Variants in OSTF1 observed in about 807,000 individuals in gnomAD.
OSTF1 encodes the protein osteoclast stimulating factor 1, also known as osteoclast-stimulating factor 1.
A neutral mutation model predicts 37.2 loss-of-function variants in OSTF1; 27 were observed. The observed-to-expected ratio is 0.73, with a 90% CI of 0.54 to 1.00. The LOEUF is 1.00. OSTF1 is among the 50% of genes least tolerant of loss of function. The pLI, the probability that OSTF1 is intolerant of heterozygous loss-of-function variation, is 0.00. For synonymous variants in OSTF1, 82 were observed against 89.2 expected, an observed-to-expected ratio of 0.92 and a Z score of 0.46; for missense variants, 232 against 253.8, an observed-to-expected ratio of 0.91 and a Z score of 0.58.
rs1826036250 is a variant in OSTF1 at position 75,146,991 on chromosome 9, A to G, written c.*250A>G. On this transcript the variant is annotated 3_prime_UTR_variant, in exon 10 of 10. Coordinates refer to ENST00000346234, the MANE Select transcript of OSTF1 (RefSeq NM_012383.5). ...ATATTATTTCTATTTATCAAGCAAA[A>G]GGAATTTTAAGATTTTTTTTTTTCT... 4.9e-6 allele frequency: 1 copy of G among 203,760 alleles called. No individual in the cohort carries two copies. The highest frequency in any genetic ancestry group is 2.8e-5 in the African/African-American group (1 of 35,660). 12.6% of individuals were successfully genotyped at this position (203,760 alleles called of 1,614,324 possible).
chr9:75,101,304 G>A (rs140819952), intron 1 of OSTF1, among the ~76,000 whole-genome samples: 40 of 152,332 alleles, frequency 2.6e-4, no homozygotes, highest in African/African-American at 9.1e-4. Flanking sequence ...TGATAGGAAT[G>A]TGGCTCTTAG....
At chr9:75,107,139 A>G (rs958537405) in intron 1 of OSTF1, among the ~76,000 whole-genome samples, 1 of 151,146 alleles carries the variant, frequency 6.6e-6, no homozygotes, top group African/African-American at 2.5e-5. Context: ...AACAGAGTAC[A>G]GCTGTTTTCT....
intron 1 of OSTF1, among the ~76,000 whole-genome samples, chr9:75,102,859 C>T (rs957539096): frequency 1.2e-4 from 19 of 152,232 alleles, no homozygotes; most frequent in African/African-American, 4.6e-4. Context: ...AAAGCCTCCT[C>T]ACTGTGTTAA....
chr9:75,112,624 C>T (rs1454179172), intron 1 of OSTF1, among the ~76,000 whole-genome samples: 1 of 152,176 alleles, frequency 6.6e-6, no homozygotes, highest in Non-Finnish European at 1.5e-5. Flanking sequence ...AAATAAATCT[C>T]CCACTTTCAG....
chr9:75,109,897 AT>A (rs1825354339), intron 1 of OSTF1, among the ~76,000 whole-genome samples: 1 of 152,218 alleles, frequency 6.6e-6, no homozygotes. Context: ...TTGTTTTTAA[AT>A]TAATAGACTA....
intron 1 of OSTF1, among the ~76,000 whole-genome samples, chr9:75,115,016 C>CCA (rs1310157338): frequency 6.6e-6 from 1 of 152,144 alleles, no homozygotes; most frequent in Non-Finnish European, 1.5e-5. Flanking sequence ...TTAATGCTTA[C>CCA]AATTGATCCA....
chr9:75,114,210 T>C (rs1287250515), intron 1 of OSTF1, among the ~76,000 whole-genome samples: 2 of 152,296 alleles, frequency 1.3e-5, no homozygotes, highest in East Asian at 3.9e-4. Flanking sequence ...CTGCCGTTGA[T>C]GGACACTTAG....
intron 1 of OSTF1, among the ~76,000 whole-genome samples, chr9:75,108,355 G>T (rs1158203682): frequency 6.6e-6 from 1 of 151,408 alleles, no homozygotes; most frequent in Non-Finnish European, 1.5e-5. Flanking sequence ...CTTTTGTGGA[G>T]GTGGCATGAC....
At chr9:75,093,804 A>G (rs1825024876) in intron 1 of OSTF1, among the ~76,000 whole-genome samples, 1 of 152,236 alleles carries the variant, frequency 6.6e-6, no homozygotes, top group Admixed American at 6.5e-5. Context: ...GTCTTCTTTT[A>G]TAAACTTGAT....
chr9:75,103,725 C>T (rs557476208), intron 1 of OSTF1, among the ~76,000 whole-genome samples: 334 of 152,240 alleles, frequency 2.2e-3, no homozygotes, highest in Non-Finnish European at 3.3e-3. Flanking sequence ...CTTCCACTGC[C>T]TGGGTTCAAG....
rs987800409 is a variant in OSTF1 at position 75,092,012 on chromosome 9, C to A, written c.34+3286C>A. ...TAGCAGAAATACAAGACAGAACATCCTAGCCATGTTTCTTACAGCTTCTTT... is the reference window on the plus strand; with the variant it reads ...TAGCAGAAATACAAGACAGAACATCATAGCCATGTTTCTTACAGCTTCTTT... On this transcript the variant is annotated intron_variant, in intron 1 of 9. Coordinates refer to ENST00000346234, the MANE Select transcript of OSTF1 (RefSeq NM_012383.5). Among the ~76,000 whole-genome samples the A allele has an allele frequency of 2.0e-5, 3 of 152,198 alleles. No individual in the cohort carries two copies. In the East Asian group the frequency reaches 5.8e-4, roughly 29 times the overall value.
chr9:75,146,687 A>G lies in OSTF1; in HGVS notation c.591A>G (p.Ala197=). The G allele has an allele frequency of 6.2e-7, 1 of 1,606,434 alleles. No individual in the cohort carries two copies. The highest frequency in any genetic ancestry group is 8.5e-7 in the Non-Finnish European group (1 of 1,174,726). ...TTTCCCTCCTCTTTCTTTCAGATGCAGTTCGAACATTAAGCAATGCCGAGG... is the reference window on the plus strand; with the variant it reads ...TTTCCCTCCTCTTTCTTTCAGATGCGGTTCGAACATTAAGCAATGCCGAGG... ...SLLKKKQGTD[A]VRTLSNAEDY... Residue 197 remains alanine (A), a synonymous_variant, in exon 10 of 10, where the codon GCA becomes GCG. Coordinates refer to ENST00000346234, the MANE Select transcript of OSTF1 (RefSeq NM_012383.5).
At chr9:75,116,488 C>T (rs1825490894) in intron 1 of OSTF1, among the ~76,000 whole-genome samples, 1 of 151,838 alleles carries the variant, frequency 6.6e-6, no homozygotes, top group Non-Finnish European at 1.5e-5. Flanking sequence ...ATGCAGTCTA[C>T]GAAGAGAGAA....
chr9:75,123,401 G>A (rs1285246212), intron 2 of OSTF1, among the ~76,000 whole-genome samples: 1 of 152,194 alleles, frequency 6.6e-6, no homozygotes, highest in East Asian at 1.9e-4. Context: ...TCCAACCTGG[G>A]CGACAGTGAG....
At chr9:75,096,389 G>A (rs1825086943) in intron 1 of OSTF1, among the ~76,000 whole-genome samples, 1 of 152,136 alleles carries the variant, frequency 6.6e-6, no homozygotes, top group Admixed American at 6.5e-5. Context: ...AGCTATTTTG[G>A]TTTTATATTC....
chr9:75,103,780 A>G (rs1825236837), intron 1 of OSTF1, among the ~76,000 whole-genome samples: 1 of 152,140 alleles, frequency 6.6e-6, no homozygotes, highest in Non-Finnish European at 1.5e-5. Flanking sequence ...ACCCACAGAC[A>G]TACACCACCA....
At chr9:75,135,138 T>C (rs183948028) in intron 7 of OSTF1, among the ~76,000 whole-genome samples, 314 of 152,310 alleles carry the variant, frequency 2.1e-3, no homozygotes, top group Middle Eastern at 0.01. Flanking sequence ...ATCCCTTGTC[T>C]TTCTTTTGTC....
At chr9:75,102,388 A>T (rs1384314184) in intron 1 of OSTF1, among the ~76,000 whole-genome samples, 3 of 152,228 alleles carry the variant, frequency 2.0e-5, no homozygotes, top group African/African-American at 7.2e-5. Context: ...TAGGTAGTAA[A>T]GTCAGTAAAA....
Position 75,147,033 on chromosome 9 carries a change from A to AT in OSTF1, c.*314dup, listed in dbSNP as rs34855201. On this transcript the variant is annotated 3_prime_UTR_variant, in exon 10 of 10. Coordinates refer to ENST00000346234, the MANE Select transcript of OSTF1 (RefSeq NM_012383.5). ...TTTTTTTCTTTAAAAACAAATTAGG[A>AT]TTTTTTTTTTTTTTTTTTTTTTAGT... is the stretch of plus-strand genomic sequence containing the variant. 11,614 of 108,054 alleles carry AT rather than the reference A, an allele frequency of 0.11. 744 individuals carry two copies. Among genetic ancestry groups the AT allele is most frequent in the African/African-American group, 0.19 (5,045 of 26,662 alleles). 6.7% of individuals were successfully genotyped at this position (108,054 alleles called of 1,614,324 possible).
Sources: gnomAD v4.1 joint callset for allele counts (sites outside exome capture counted in the v4.1 genomes callset) on GRCh38, gnomAD v4.1.1 for gene constraint, MANE v1.5 for transcripts, NCBI Gene and HGNC (gene_info 2026-07-23, HGNC 2026-07-21) for gene names.